Variants in FAM240C observed in about 807,000 individuals in gnomAD.
FAM240C encodes protein FAM240C.
A neutral mutation model predicts 10.0 loss-of-function variants in FAM240C; 14 were observed. That is an observed-to-expected ratio of 1.40 (90% CI 0.92 to 2.19). The LOEUF (loss-of-function observed/expected upper bound fraction) is 2.19, where lower values mean the gene tolerates loss of function less well. Among genes scored for constraint, FAM240C ranks in the 30% most tolerant of loss-of-function variants. The probability of loss-of-function intolerance (pLI) is 0.00; values close to 1 mark genes in which losing one functional copy is unlikely to be tolerated. For synonymous variants in FAM240C, 49 were observed against 44.3 expected, an observed-to-expected ratio of 1.11 and a Z score of -0.42; for missense variants, 154 against 122.3, an observed-to-expected ratio of 1.26 and a Z score of -1.22.
upstream of FAM240C, chr2:241,902,424 C>T (rs1456830698): frequency 6.9e-6 from 1 of 144,502 alleles, no homozygotes; most frequent in Non-Finnish European, 1.6e-5. The surrounding 1 kb of genome is among the most constrained non-coding windows in gnomAD (Gnocchi z 7.1). Context: ...TCCGCCGCCG[C>T]CTCCCCTCCG....
chr2:241,897,373 T>C (rs758723844), intron 1 of FAM240C, 39 bp from the exon 2 acceptor site: 4 of 1,541,254 alleles, frequency 2.6e-6, no homozygotes, highest in South Asian at 1.2e-5. Flanking sequence ...AGTCACCTTA[T>C]GCCATTCCCA....
intron 1 of FAM240C, among the ~76,000 whole-genome samples, chr2:241,897,730 G>C (rs926166716): frequency 6.6e-6 from 1 of 152,206 alleles, no homozygotes; most frequent in Non-Finnish European, 1.5e-5. Context: ...TTCTGTGCCA[G>C]GTGAGTCCAT....
At chr2:241,894,458 AGGGGT>A in intron 2 of FAM240C, 119 bp from the exon 3 acceptor site, 2 of 1,156,898 alleles carry the variant, frequency 1.7e-6, no homozygotes, top group Non-Finnish European at 2.4e-6. Context: ...ACTCCCTGCC[AGGGGT>A]GGGGGTGTCA....
chr2:241,893,997 C>T lies in FAM240C; in HGVS notation c.*216G>A, dbSNP rs1284941393. 4.4e-6 allele frequency: 2 copies of T among 451,720 alleles called. No homozygotes were observed. The highest frequency in any genetic ancestry group is 7.8e-6 in the Non-Finnish European group (2 of 255,652). The allele number at this position is 451,720 out of a possible 1,614,324, so 28.0% of individuals were successfully genotyped here. ...AGCACGAAACATTCAATCCAATTGA[C>T]TTAGGTTTTATTGGGCACCAGAGAT... On this transcript the variant is annotated 3_prime_UTR_variant, in exon 3 of 3. Coordinates refer to ENST00000404031, the MANE Select transcript of FAM240C (RefSeq NM_001382368.1).
chr2:241,902,172 G>A (rs963334878), upstream of FAM240C, among the ~76,000 whole-genome samples: 3 of 152,164 alleles, frequency 2.0e-5, no homozygotes, highest in Admixed American at 6.5e-5. This position sits in a 1 kb window ranked among gnomAD's most constrained non-coding sequence, Gnocchi z 7.1. Flanking sequence ...TCCCAGTGCA[G>A]TGGGCTCCAG....
At chr2:241,899,300 C>T (rs1701928244) in intron 1 of FAM240C, 1 of 985,324 alleles carries the variant, frequency 1.0e-6, no homozygotes, top group South Asian at 4.7e-5. Context: ...TGCTGGGGAG[C>T]TGCCCCTGGA....
intron 1 of FAM240C, chr2:241,899,131 G>C: frequency 7.7e-7 from 1 of 1,304,240 alleles, no homozygotes; most frequent in Non-Finnish European, 1.0e-6. Flanking sequence ...CAGGTGGAGA[G>C]GGTAAGGGTG....
chr2:241,895,765 A>G (rs1035187489), intron 2 of FAM240C, among the ~76,000 whole-genome samples: 2 of 152,158 alleles, frequency 1.3e-5, no homozygotes, highest in Admixed American at 6.5e-5. Flanking sequence ...GGGCCAGAGA[A>G]GGCAGCGTGG....
At chr2:241,899,400 C>G in intron 1 of FAM240C, 1 of 927,506 alleles carries the variant, frequency 1.1e-6, no homozygotes. Flanking sequence ...AACTCAGCCA[C>G]GCCTGCCTGT....
At position 241,894,342 on chromosome 2, in the gene FAM240C, G is replaced by C. The variant is rs1278626183; in HGVS notation, c.162-3C>G. 6.5e-7 allele frequency: 1 copy of C among 1,539,302 alleles called. No homozygotes were observed. The highest frequency in any genetic ancestry group is 8.8e-7 in the Non-Finnish European group (1 of 1,141,486). On this transcript the variant is annotated splice_region_variant and splice_polypyrimidine_tract_variant and intron_variant, in intron 2 of 2. Coordinates refer to ENST00000404031, the MANE Select transcript of FAM240C (RefSeq NM_001382368.1). Reference sequence around the variant, plus strand: ...GCTCAGCCCATCCCACGCGGAGCCTGGGGCAGGGCGATAATTTCGGCATTG... The same window carrying C: ...GCTCAGCCCATCCCACGCGGAGCCTCGGGCAGGGCGATAATTTCGGCATTG...
At chr2:241,896,499 T>G (rs1701808821) in intron 2 of FAM240C, among the ~76,000 whole-genome samples, 1 of 39,258 alleles carries the variant, frequency 2.5e-5, no homozygotes, top group African/African-American at 7.8e-5. Context: ...GGGGTGTGGG[T>G]GAAGGGGGTG....
At chr2:241,899,990 C>T (rs76854365) in intron 1 of FAM240C, among the ~76,000 whole-genome samples, 12,145 of 152,078 alleles carry the variant, frequency 0.08, 550 homozygotes, top group East Asian at 0.13. Flanking sequence ...TGGCGTGAAC[C>T]CGGGAGGCGG....
intron 2 of FAM240C, among the ~76,000 whole-genome samples, 186 bp downstream of exon 2, chr2:241,897,000 A>G (rs895633110): frequency 2.6e-5 from 4 of 151,846 alleles, no homozygotes; most frequent in African/African-American, 7.3e-5. Flanking sequence ...CGTGATCACT[A>G]AGGTGAGTGA....
chr2:241,901,876 G>A (rs1364238199), upstream of FAM240C, among the ~76,000 whole-genome samples: 1 of 152,174 alleles, frequency 6.6e-6, no homozygotes, highest in Non-Finnish European at 1.5e-5. This position sits in a 1 kb window ranked among gnomAD's most constrained non-coding sequence, Gnocchi z 4.9. Flanking sequence ...CCCTGGAGCC[G>A]AGAGGCCAAA....
chr2:241,896,378 G>T (rs184285964), intron 2 of FAM240C, among the ~76,000 whole-genome samples: 130 of 152,250 alleles, frequency 8.5e-4, no homozygotes, highest in Middle Eastern at 3.4e-3. Context: ...CACAAGTACA[G>T]ATACGTCACT....
chr2:241,895,972 G>T (rs1450065365), intron 2 of FAM240C, among the ~76,000 whole-genome samples: 1 of 151,834 alleles, frequency 6.6e-6, no homozygotes, highest in African/African-American at 2.4e-5. Context: ...GTGGGGGGGG[G>T]CCTCTCCTTC....
At chr2:241,901,559 T>G (rs563926252), upstream of FAM240C, among the ~76,000 whole-genome samples, 1 of 152,224 alleles carries the variant, frequency 6.6e-6, no homozygotes, top group South Asian at 2.1e-4. This position sits in a 1 kb window ranked among gnomAD's most constrained non-coding sequence, Gnocchi z 4.9. Context: ...TGGCGTGTGC[T>G]CAGGACACCT....
intron 2 of FAM240C, 48 bp downstream of exon 2, chr2:241,897,138 C>T (rs753317547): frequency 7.8e-6 from 12 of 1,537,104 alleles, no homozygotes; most frequent in Middle Eastern, 1.8e-4. Context: ...GGGTGGCGAG[C>T]GTGGCTCAGG....
chr2:241,896,860 T>G lies in FAM240C; in HGVS notation c.161+326A>C, dbSNP rs4973670. Reference sequence around the variant, plus strand: ...TGGGGTGTGGGTGAAGGGGTGTGGGTGTGGGGGTGGGGGTGAATTGTCCGT... The same window carrying G: ...TGGGGTGTGGGTGAAGGGGTGTGGGGGTGGGGGTGGGGGTGAATTGTCCGT... On this transcript the variant is annotated intron_variant, in intron 2 of 2. Coordinates refer to ENST00000404031, the MANE Select transcript of FAM240C (RefSeq NM_001382368.1). Among the ~76,000 whole-genome samples, 3,406 of 94,368 alleles carry G rather than the reference T, an allele frequency of 0.036. 447 individuals carry two copies. In the East Asian group the frequency reaches 0.42, roughly 12 times the overall value. 61.9% of individuals were successfully genotyped at this position (94,368 alleles called of 152,430 possible).
Sources: allele counts gnomAD v4.1 joint callset (sites outside exome capture counted in the v4.1 genomes callset), GRCh38; gene constraint gnomAD v4.1.1; non-coding constraint Gnocchi (gnomAD v3.1); transcripts MANE v1.5; gene names NCBI Gene and HGNC (gene_info 2026-07-23, HGNC 2026-07-21).